FMC1: variants seen among roughly 807,000 people sequenced by gnomAD.
FMC1 encodes the protein protein FMC1 homolog.
Under a neutral mutation model 10.5 loss-of-function variants are expected in FMC1, and 6 were observed. The ratio of observed to expected loss-of-function variants is 0.57; its 90% CI spans 0.31 to 1.12. The LOEUF (loss-of-function observed/expected upper bound fraction) is 1.12, where lower values mean the gene tolerates loss of function less well. Ranked by LOEUF, FMC1 falls within the 50% of genes most tolerant of loss-of-function variation. The pLI is 0.05. For missense variants in FMC1, 146 were observed against 151.7 expected (o/e 0.96, Z 0.20); for synonymous variants, 59 against 62.1 (o/e 0.95, Z 0.24).
At chr7:139,344,352 G>T (rs1360505114) in intron 1 of FMC1, among the ~76,000 whole-genome samples, 2 of 152,076 alleles carry the variant, frequency 1.3e-5, no homozygotes, top group Non-Finnish European at 2.9e-5. Flanking sequence ...AAATGCTGTA[G>T]TATTTGCAAT....
chr7:139,345,645 G>C lies in FMC1; in HGVS notation c.283G>C (p.Ala95Pro). The change falls in exon 2 of 2, where the codon GCT becomes CCT. Residue 95 changes from alanine to proline, a missense_variant. Transcript: ENST00000297534. ...GKGERSVEESAGLVGLKLPHQ... is the reference protein window; with the variant it reads ...GKGERSVEESPGLVGLKLPHQ... Reference sequence around the variant, plus strand: ...GGGTGAGCGCTCGGTGGAGGAGTCTGCTGGCTTGGTGGGTCTCAAGTTGCC... The same window carrying C: ...GGGTGAGCGCTCGGTGGAGGAGTCTCCTGGCTTGGTGGGTCTCAAGTTGCC... 1 of 1,614,172 alleles carries C rather than the reference G, an allele frequency of 6.2e-7. No individual in the cohort carries two copies.
At chr7:139,343,163 C>T (rs916876177) in intron 1 of FMC1, among the ~76,000 whole-genome samples, 5 of 152,184 alleles carry the variant, frequency 3.3e-5, no homozygotes, top group Admixed American at 6.5e-5. Context: ...CTACATTAAC[C>T]TAGAATTCCC....
Position 139,341,338 on chromosome 7 carries a change from G to T in FMC1, c.-47G>T. 6.3e-7 allele frequency: 1 copy of T among 1,576,246 alleles called. No individual in the cohort carries two copies. The highest frequency in any genetic ancestry group is 8.7e-7 in the Non-Finnish European group (1 of 1,155,106). ...GCCTGGGCCGGAGGAGGGGTTTTCA[G>T]GGTCGTAGGACGCCGTTGGGCACCA... On this transcript the variant is annotated 5_prime_UTR_variant, in exon 1 of 2. It adds an upstream start codon to the 5' untranslated region. Transcript: ENST00000297534.
intron 1 of FMC1, among the ~76,000 whole-genome samples, chr7:139,343,606 A>C (rs776017328): frequency 6.6e-6 from 1 of 152,124 alleles, no homozygotes; most frequent in Non-Finnish European, 1.5e-5. Context: ...CACACATTCT[A>C]GTTTTCAGAT....
chr7:139,344,695 CTTTTTTTTTT>C (rs1026301999), intron 1 of FMC1, among the ~76,000 whole-genome samples: 1 of 116,362 alleles, frequency 8.6e-6, no homozygotes, highest in Non-Finnish European at 1.8e-5. Flanking sequence ...AATTTTCTTT[CTTTTTTTTTT>C]TTTTTTTTTT....
Position 139,345,857 on chromosome 7 carries a change from A to C in FMC1, c.*153A>C, listed in dbSNP as rs1799247633. ...GGAATTAACTGGACATTTCATCTTT[A>C]CTCTCAGTGAATTTACTGAACTTTT... On this transcript the variant is annotated 3_prime_UTR_variant, in exon 2 of 2. Coordinates refer to ENST00000297534, the MANE Select transcript of FMC1 (RefSeq NM_197964.5). The C allele has an allele frequency of 2.4e-6, 2 of 833,860 alleles. No homozygotes were observed. The highest frequency in any genetic ancestry group is 3.5e-6 in the Non-Finnish European group (2 of 578,810). 51.7% of individuals were successfully genotyped at this position (833,860 alleles called of 1,614,324 possible). A position where few individuals can be genotyped will look rare whatever the true frequency, so the allele number is the denominator to read the frequency against.
upstream of FMC1, chr7:139,341,147 G>A: frequency 1.8e-6 from 1 of 544,396 alleles, no homozygotes; most frequent in Non-Finnish European, 2.9e-6. Context: ...CCTTGTTCTG[G>A]GTTAGAGGTC....
upstream of FMC1, among the ~76,000 whole-genome samples, chr7:139,340,777 G>A (rs933545948): frequency 6.6e-6 from 1 of 151,796 alleles, no homozygotes; most frequent in African/African-American, 2.4e-5. Flanking sequence ...GGGGTGGCCT[G>A]TGACTTTTGT....
chr7:139,343,926 CAA>C (rs1163028006), intron 1 of FMC1, among the ~76,000 whole-genome samples: 16 of 104,876 alleles, frequency 1.5e-4, no homozygotes, highest in Admixed American at 2.2e-4. Context: ...ACCCTGTCCC[CAA>C]AAAAAAAAAA....
In FMC1 at chr7:139,345,735, A is replaced by T; in HGVS notation, c.*31A>T. On this transcript the variant is annotated 3_prime_UTR_variant, in exon 2 of 2. Transcript: ENST00000297534. ...GAGAATATCCTTGGATGCTGCATTC[A>T]TAGGAGAATTGAATAATTTCTATCA... 1.9e-6 allele frequency: 3 copies of T among 1,590,000 alleles called. No homozygotes were observed. The highest frequency in any genetic ancestry group is 2.6e-6 in the Non-Finnish European group (3 of 1,167,564).
In FMC1 at chr7:139,341,474, C is replaced by T; in HGVS notation, c.90C>T (p.Arg30=). 6.2e-7 allele frequency: 1 copy of T among 1,613,786 alleles called. No individual in the cohort carries two copies. The change falls in exon 1 of 2, where the codon CGC becomes CGT. Residue 30 remains arginine, a synonymous_variant. Transcript: ENST00000297534. ...GCGCGGCCACCGGCCGACCCTATCG[C>T]GACACCGCGGCCTATCGGTACCTTG... is the stretch of plus-strand genomic sequence containing the variant. ...YLSAATGRPY[R]DTAAYRYLVK...
rs532822476 is a variant in FMC1 at position 139,345,757 on chromosome 7, A to G, written c.*53A>G. ...TTCATAGGAGAATTGAATAATTTCT[A>G]TCAATATGTATTTATCATTAAATTT... is the stretch of plus-strand genomic sequence containing the variant. On this transcript the variant is annotated 3_prime_UTR_variant, in exon 2 of 2. Transcript: ENST00000297534. The G allele has an allele frequency of 5.9e-6, 9 of 1,520,618 alleles. No individual in the cohort carries two copies. In the African/African-American group the frequency reaches 9.8e-5, roughly 17 times the overall value. 94.2% of individuals were successfully genotyped at this position (1,520,618 alleles called of 1,614,324 possible).
intron 1 of FMC1, 146 bp downstream of exon 1, chr7:139,341,668 G>A: frequency 7.2e-7 from 1 of 1,387,864 alleles, no homozygotes; most frequent in Non-Finnish European, 9.5e-7. Context: ...AACCAACCCA[G>A]GCCCTAGGCT....
At position 139,345,687 on chromosome 7, in the gene FMC1, A is replaced by G; in HGVS notation, c.325A>G (p.Lys109Glu). 1 of 1,614,140 alleles carries G rather than the reference A, an allele frequency of 6.2e-7. No individual in the cohort carries two copies. The highest frequency in any genetic ancestry group is 1.7e-4 in the Middle Eastern group (1 of 6,060). Residue 109 changes from lysine to glutamate, a missense_variant, in exon 2 of 2, where the codon AAG (lysine) becomes GAG (glutamate). Transcript: ENST00000297534. ...CAAGTTGCCCCATCAGCCTGGAGGG[A>G]AGGGCTGGGAGCCATGAACATGGAG... ...GLKLPHQPGGKGWEP is the reference protein window; with the variant it reads ...GLKLPHQPGGEGWEP
At chr7:139,344,826 C>T (rs971032405) in intron 1 of FMC1, 3 of 150,124 alleles carry the variant, frequency 2.0e-5, no homozygotes, top group African/African-American at 7.4e-5. Context: ...CCTCAGCCTC[C>T]TGAGTAGTTG....
chr7:139,345,226 A>T (rs910402187), intron 1 of FMC1, among the ~76,000 whole-genome samples: 1 of 152,106 alleles, frequency 6.6e-6, no homozygotes, highest in African/African-American at 2.4e-5. Context: ...TCATCTGTAA[A>T]ATTAAGGAAT....
At chr7:139,341,066 A>C (rs1330941345), upstream of FMC1, 4 of 255,506 alleles carry the variant, frequency 1.6e-5, no homozygotes, top group Non-Finnish European at 2.2e-5. Context: ...GCTTCTCCTG[A>C]GACTCAGCGG....
Position 139,341,542 on chromosome 7 carries a change from G to A in FMC1, c.138+20G>A, listed in dbSNP as rs1285693188. 23 of 1,606,502 alleles carry A rather than the reference G, an allele frequency of 1.4e-5. No homozygotes were observed. Among genetic ancestry groups the A allele is most frequent in the Non-Finnish European group, 1.9e-5 (22 of 1,174,672 alleles). The stretch of plus-strand genomic sequence containing the variant: ...CATCGGGTACGGGAGCCATGTCCCG[G>A]GTGCTCTACGTGCTGGGGAGGGAGG... On this transcript the variant is annotated intron_variant, in intron 1 of 1. Transcript: ENST00000297534.
At chr7:139,342,543 G>A (rs1799037006) in intron 1 of FMC1, among the ~76,000 whole-genome samples, 1 of 152,054 alleles carries the variant, frequency 6.6e-6, no homozygotes, top group Non-Finnish European at 1.5e-5. Context: ...TTCTAAGATT[G>A]TGATCACCTC....
Sources: gnomAD v4.1 joint callset for allele counts (sites outside exome capture counted in the v4.1 genomes callset) on GRCh38, gnomAD v4.1.1 for gene constraint, MANE v1.5 for transcripts, NCBI Gene and HGNC (gene_info 2026-07-23, HGNC 2026-07-21) for gene names.